Variants in DPT observed in about 807,000 individuals in gnomAD.
The protein encoded by DPT is tyrosine-rich acidic matrix protein.
In DPT, 21 loss-of-function variants were observed where a neutral mutation model predicts 31.2. That is an observed-to-expected ratio of 0.67 (90% CI 0.48 to 0.97). The LOEUF (loss-of-function observed/expected upper bound fraction) is 0.97, where lower values mean the gene tolerates loss of function less well. Ranked by LOEUF, DPT falls within the 50% of genes least tolerant of loss-of-function variation. The pLI, the probability that DPT is intolerant of heterozygous loss-of-function variation, is 0.00. For synonymous variants in DPT, 91 were observed against 86.9 expected (o/e 1.05, Z -0.26); for missense variants, 262 against 258.8 (o/e 1.01, Z -0.08).
chr1:168,721,071 T>G (rs1232621376), intron 1 of DPT, among the ~76,000 whole-genome samples: 1 of 152,160 alleles, frequency 6.6e-6, no homozygotes, highest in Non-Finnish European at 1.5e-5. Context: ...GACACTATGA[T>G]AATACAGATA....
chr1:168,725,559 C>A (rs748637656), intron 1 of DPT, among the ~76,000 whole-genome samples: 1 of 152,140 alleles, frequency 6.6e-6, no homozygotes, highest in Non-Finnish European at 1.5e-5. Context: ...TCCCTGAGAA[C>A]AACCTAGGCA....
At chr1:168,702,536 G>A (rs115472199) in intron 2 of DPT, among the ~76,000 whole-genome samples, 339 of 152,070 alleles carry the variant, frequency 2.2e-3, no homozygotes, top group African/African-American at 8.0e-3. Flanking sequence ...AGGGAAATAA[G>A]GTCCTGCAAA....
At chr1:168,728,016 T>C (rs2101915797) in intron 1 of DPT, among the ~76,000 whole-genome samples, 1 of 152,216 alleles carries the variant, frequency 6.6e-6, no homozygotes. Context: ...TAGGCTGTTG[T>C]AAATAATCAG....
At chr1:168,704,581 G>GGT (rs202176447) in intron 2 of DPT, among the ~76,000 whole-genome samples, 2,101 of 149,156 alleles carry the variant, frequency 0.014, 53 homozygotes, top group African/African-American at 0.051. Flanking sequence ...CAAAACTACT[G>GGT]GTGTGTGTGT....
intron 1 of DPT, among the ~76,000 whole-genome samples, chr1:168,722,499 A>C (rs759147300): frequency 6.6e-5 from 10 of 152,204 alleles, no homozygotes; most frequent in Non-Finnish European, 1.5e-4. Flanking sequence ...ATGTGCAGGC[A>C]TTGTGCTTAG....
At chr1:168,721,844 C>T (rs149569991) in intron 1 of DPT, among the ~76,000 whole-genome samples, 2 of 152,310 alleles carry the variant, frequency 1.3e-5, no homozygotes, top group African/African-American at 4.8e-5. Context: ...TTAAGTTGCA[C>T]ACATTCTGCT....
chr1:168,705,544 G>C (rs1649701570), intron 2 of DPT, among the ~76,000 whole-genome samples: 1 of 152,192 alleles, frequency 6.6e-6, no homozygotes. Flanking sequence ...CCATACTTCA[G>C]CTTTTTAAAA....
intron 2 of DPT, among the ~76,000 whole-genome samples, chr1:168,711,997 G>GAATTATATTT (rs1161325107): frequency 6.6e-6 from 1 of 152,068 alleles, no homozygotes; most frequent in Non-Finnish European, 1.5e-5. Flanking sequence ...TTATGTAAGA[G>GAATTATATTT]AATTATATTT....
chr1:168,712,886 C>T (rs564029291), intron 2 of DPT, among the ~76,000 whole-genome samples: 1 of 152,016 alleles, frequency 6.6e-6, no homozygotes, highest in African/African-American at 2.4e-5. Flanking sequence ...GTGCATTTTC[C>T]CCCCTGAAGA....
chr1:168,720,998 A>G (rs1371932035), intron 1 of DPT, among the ~76,000 whole-genome samples: 1 of 152,232 alleles, frequency 6.6e-6, no homozygotes, highest in Non-Finnish European at 1.5e-5. Flanking sequence ...GAAGACTGGT[A>G]CTGATAAGTA....
At chr1:168,708,924 A>G (rs1258037309) in intron 2 of DPT, among the ~76,000 whole-genome samples, 2 of 152,234 alleles carry the variant, frequency 1.3e-5, no homozygotes, top group African/African-American at 4.8e-5. Context: ...GGTGGGAGAG[A>G]TAAGAATGTT....
intron 1 of DPT, among the ~76,000 whole-genome samples, chr1:168,717,318 T>G (rs1650005335): frequency 6.6e-6 from 1 of 152,234 alleles, no homozygotes; most frequent in Admixed American, 6.5e-5. Flanking sequence ...AGGTTGAGCT[T>G]TTTTTCATAT....
chr1:168,728,033 A>C (rs1650289048), intron 1 of DPT, among the ~76,000 whole-genome samples: 1 of 152,188 alleles, frequency 6.6e-6, no homozygotes, highest in African/African-American at 2.4e-5. Flanking sequence ...TCAGCCTAGC[A>C]GTCAGTGCCT....
intron 1 of DPT, among the ~76,000 whole-genome samples, chr1:168,724,028 T>C (rs1363761748): frequency 1.3e-5 from 2 of 152,178 alleles, no homozygotes; most frequent in East Asian, 3.9e-4. Context: ...TCCACAAATG[T>C]CAAACCAGGA....
intron 1 of DPT, among the ~76,000 whole-genome samples, chr1:168,715,379 C>A (rs963434783): frequency 2.0e-5 from 3 of 151,628 alleles, no homozygotes. Context: ...TTCTACCTGA[C>A]CACAGTGGAT....
chr1:168,714,104 G>T, intron 2 of DPT, 117 bp downstream of exon 2: 1 of 1,363,912 alleles, frequency 7.3e-7, no homozygotes, highest in Non-Finnish European at 1.0e-6. Context: ...TTGTCTATAT[G>T]CCAGCGCTGC....
In DPT at chr1:168,697,105, A is replaced by G. The variant is rs558842884; in HGVS notation, c.540-490T>C. Among the ~76,000 whole-genome samples the G allele has an allele frequency of 2.0e-5, 3 of 152,162 alleles. No homozygotes were observed. The East Asian group carries it at 5.8e-4, about 29-fold the overall frequency. ...GTGGAAACCCTGACTCCACAAAAAAATACAAAAAATTAGCTGGGTGTGGTG... is the reference window on the plus strand; with the variant it reads ...GTGGAAACCCTGACTCCACAAAAAAGTACAAAAAATTAGCTGGGTGTGGTG... On this transcript the variant is annotated intron_variant, in intron 3 of 3. Transcript: ENST00000367817.
Position 168,729,181 on chromosome 1 carries a change from T to G in DPT, c.-7A>C. 6.2e-7 allele frequency: 1 copy of G among 1,609,190 alleles called. No homozygotes were observed. The highest frequency in any genetic ancestry group is 8.5e-7 in the Non-Finnish European group (1 of 1,176,884). ...AGAGAAGACTGAGGTCCATGCTGCCTGGGATTTTGGCAAACAATGTCACTC... is the reference window on the plus strand; with the variant it reads ...AGAGAAGACTGAGGTCCATGCTGCCGGGGATTTTGGCAAACAATGTCACTC... On this transcript the variant is annotated 5_prime_UTR_variant, in exon 1 of 4. Transcript: ENST00000367817.
At position 168,695,872 on chromosome 1, in the gene DPT, C is replaced by G; in HGVS notation, c.*677G>C. Reference sequence around the variant, plus strand: ...AGTGATCCTCACGGGTTCCCCTGGCCCCTGCACTCATTTTCCTTACTGGGT... The same window carrying G: ...AGTGATCCTCACGGGTTCCCCTGGCGCCTGCACTCATTTTCCTTACTGGGT... On this transcript the variant is annotated 3_prime_UTR_variant, in exon 4 of 4. Coordinates refer to ENST00000367817, the MANE Select transcript of DPT (RefSeq NM_001937.5). 1 of 288,290 alleles carries G rather than the reference C, an allele frequency of 3.5e-6. No individual in the cohort carries two copies. Among genetic ancestry groups the G allele is most frequent in the Non-Finnish European group, 6.4e-6 (1 of 155,648 alleles). The allele number at this position is 288,290 out of a possible 1,614,324, so 17.9% of individuals were successfully genotyped here.
Sources: gnomAD v4.1 joint callset for allele counts (sites outside exome capture counted in the v4.1 genomes callset) on GRCh38, gnomAD v4.1.1 for gene constraint, MANE v1.5 for transcripts, NCBI Gene and HGNC (gene_info 2026-07-23, HGNC 2026-07-21) for gene names.